Variants in VRK3 observed in about 807,000 individuals in gnomAD.
The protein encoded by VRK3 is serine/threonine-protein kinase VRK3.
Under a neutral mutation model 60.4 loss-of-function variants are expected in VRK3, and 50 were observed. The observed-to-expected ratio is 0.83, with a 90% CI of 0.66 to 1.05. The LOEUF (loss-of-function observed/expected upper bound fraction) is 1.05. Among genes scored for constraint, VRK3 ranks in the 50% least tolerant of loss-of-function variants. The pLI is 0.00. For missense variants in VRK3, 549 were observed against 585.3 expected (o/e 0.94, Z 0.64); for synonymous variants, 246 against 227.8 (o/e 1.08, Z -0.72).
intron 12 of VRK3, among the ~76,000 whole-genome samples, chr19:49,984,455 C>T (rs1340716483): frequency 2.0e-5 from 3 of 152,136 alleles, no homozygotes; most frequent in Non-Finnish European, 4.4e-5. Context: ...CCCCTCTGCT[C>T]CCACAGTGCC....
At chr19:49,995,364 G>T in intron 7 of VRK3, 89 bp from the exon 8 acceptor site, 2 of 1,168,686 alleles carry the variant, frequency 1.7e-6, no homozygotes, top group Non-Finnish European at 2.5e-6. Context: ...AGCACAGAGT[G>T]CCCAGACCGC....
chr19:49,990,674 C>T (rs1458155255), intron 10 of VRK3, among the ~76,000 whole-genome samples: 1 of 152,172 alleles, frequency 6.6e-6, no homozygotes, highest in African/African-American at 2.4e-5. Flanking sequence ...CATCTTATTC[C>T]ACCATATGGA....
intron 14 of VRK3, chr19:49,978,778 C>G (rs368146582): frequency 4.0e-6 from 1 of 249,326 alleles, no homozygotes; most frequent in Non-Finnish European, 7.7e-6. Context: ...AGACAAACAA[C>G]GTCTTGATGC....
At chr19:50,024,847 A>G (rs745635419) in intron 1 of VRK3, 1 of 152,342 alleles carries the variant, frequency 6.6e-6, no homozygotes, top group Non-Finnish European at 1.5e-5. Flanking sequence ...TGCGTCAACT[A>G]CTGTATAGTG....
At chr19:50,019,182 A>AG (rs1568819360) in intron 2 of VRK3, 1 of 136,026 alleles carries the variant, frequency 7.4e-6, no homozygotes, top group Non-Finnish European at 1.5e-5. Flanking sequence ...AAAAAAAAAA[A>AG]AAAAAGAAAA....
intron 12 of VRK3, chr19:49,982,304 A>G: frequency 1.5e-6 from 1 of 686,352 alleles, no homozygotes; most frequent in East Asian, 2.7e-5. Context: ...GACATCAGAC[A>G]GCCCTTCAGC....
chr19:49,994,622 C>T (rs2076668862), intron 9 of VRK3, among the ~76,000 whole-genome samples, 192 bp downstream of exon 9: 1 of 152,246 alleles, frequency 6.6e-6, no homozygotes, highest in Non-Finnish European at 1.5e-5. Flanking sequence ...TCATGGCCCC[C>T]CAAGGGCCCT....
chr19:50,023,365 A>G (rs2077202164), intron 1 of VRK3, among the ~76,000 whole-genome samples: 1 of 152,160 alleles, frequency 6.6e-6, no homozygotes, highest in Non-Finnish European at 1.5e-5. Flanking sequence ...TTATATTTTT[A>G]GTAGAGATGG....
Position 50,016,069 on chromosome 19 carries a change from C to G in VRK3, c.94G>C (p.Val32Leu). The G allele has an allele frequency of 6.2e-7, 1 of 1,614,234 alleles. No individual in the cohort carries two copies. The part of the protein sequence containing the change: ...CGNSLPVEEH[V>L]GSQTFVNPHV... ...GGATTGACAAAGGTCTGGGACCCTA[C>G]ATGCTCCTCTACAGGCAAAGAATTT... is the stretch of plus-strand genomic sequence containing the variant. The change falls in exon 3 of 15, where the codon GTA becomes CTA. Residue 32 changes from valine to leucine, a missense_variant. Coordinates refer to ENST00000316763, the MANE Select transcript of VRK3 (RefSeq NM_016440.4).
At chr19:50,018,366 GCCTGTCTATTT>G (rs1461411388) in intron 2 of VRK3, among the ~76,000 whole-genome samples, 16 of 152,228 alleles carry the variant, frequency 1.1e-4, no homozygotes, top group Middle Eastern at 3.4e-3. Flanking sequence ...AGCTCCTCAG[GCCTGTCTATTT>G]CCTCTAGGTA....
Position 49,979,212 on chromosome 19 carries a change from A to G in VRK3, c.1307T>C (p.Met436Thr), listed in dbSNP as rs772599161. ...ETLQKYLKVV[M>T]ALTYEEKPPY... ...CGGCTTCTCCTCATACGTGAGGGCC[A>G]TCACCACCTTCAGGTACTTCTGCAG... The change falls in exon 14 of 15, where the codon ATG (methionine) becomes ACG (threonine). Residue 436 changes from methionine to threonine, a missense_variant. Physicochemically the swap from Met to Thr is moderately conservative, Grantham distance 81 (BLOSUM62 -1). Coordinates refer to ENST00000316763, the MANE Select transcript of VRK3 (RefSeq NM_016440.4). The G allele has an allele frequency of 6.2e-7, 1 of 1,614,078 alleles. No homozygotes were observed.
At chr19:50,003,887 A>T (rs1217038168) in intron 5 of VRK3, among the ~76,000 whole-genome samples, 2 of 152,184 alleles carry the variant, frequency 1.3e-5, no homozygotes, top group African/African-American at 2.4e-5. Context: ...CAGACACATG[A>T]AATGGTAGGT....
chr19:50,000,771 C>A lies in VRK3; in HGVS notation c.612+19G>T, dbSNP rs777292976. The A allele has an allele frequency of 4.4e-6, 7 of 1,607,380 alleles. No individual in the cohort carries two copies. The highest frequency in any genetic ancestry group is 1.7e-5 in the Admixed American group (1 of 59,066). ...AGTCCCTCCCCTCCAAGCTGCCCCC[C>A]ACCTGCAGGGTCACTTACCAGTTTG... On this transcript the variant is annotated intron_variant, in intron 6 of 14. Coordinates refer to ENST00000316763, the MANE Select transcript of VRK3 (RefSeq NM_016440.4).
intron 11 of VRK3, among the ~76,000 whole-genome samples, chr19:49,989,205 T>C (rs938512433): frequency 6.6e-6 from 1 of 152,100 alleles, no homozygotes; most frequent in African/African-American, 2.4e-5. Flanking sequence ...CTGGGCCCTC[T>C]TCCTAGTCTG....
chr19:50,023,736 G>T (rs1015449903), intron 1 of VRK3, among the ~76,000 whole-genome samples: 2 of 145,060 alleles, frequency 1.4e-5, no homozygotes, highest in Admixed American at 6.8e-5. Flanking sequence ...CCAAGAAGGT[G>T]GGTGGGGGGG....
chr19:49,992,470 G>A (rs1031009276), intron 10 of VRK3, among the ~76,000 whole-genome samples: 3 of 152,160 alleles, frequency 2.0e-5, no homozygotes, highest in Non-Finnish European at 4.4e-5. Flanking sequence ...TTCCAAAAGG[G>A]TTTCCCAATT....
intron 1 of VRK3, among the ~76,000 whole-genome samples, chr19:50,024,190 G>T (rs558486926): frequency 6.6e-6 from 1 of 152,068 alleles, no homozygotes; most frequent in Non-Finnish European, 1.5e-5. Flanking sequence ...CGCCCACCTC[G>T]GTCTCCTAAA....
intron 6 of VRK3, chr19:49,998,332 C>T (rs1018039336): frequency 2.6e-5 from 4 of 151,928 alleles, no homozygotes; most frequent in Admixed American, 6.6e-5. Context: ...ACTAAAAATA[C>T]GAAAATTAGC....
intron 2 of VRK3, 77 bp from the exon 3 acceptor site, chr19:50,016,240 A>T: frequency 1.9e-6 from 3 of 1,579,108 alleles, no homozygotes; most frequent in Non-Finnish European, 2.6e-6. Context: ...AACTGCTCTT[A>T]ATCACAGGGT....
Sources: allele counts gnomAD v4.1 joint callset (sites outside exome capture counted in the v4.1 genomes callset), GRCh38; gene constraint gnomAD v4.1.1; transcripts MANE v1.5; gene names NCBI Gene and HGNC (gene_info 2026-07-23, HGNC 2026-07-21).